Variants in UBE2E2 observed in about 807,000 individuals in gnomAD.
UBE2E2 encodes the protein ubiquitin conjugating enzyme E2 E2, also known as ubiquitin-conjugating enzyme E2 E2.
In UBE2E2, 6 loss-of-function variants were observed where a neutral mutation model predicts 24.7. That is an observed-to-expected ratio of 0.24 (90% confidence interval 0.13 to 0.48). UBE2E2 has a LOEUF of 0.48. Ranked by LOEUF, UBE2E2 falls within the 20% of genes least tolerant of loss-of-function variation. The pLI is 0.99. For missense variants in UBE2E2, 169 were observed against 245.0 expected, an observed-to-expected ratio of 0.69 and a Z score of 2.07; for synonymous variants, 104 against 83.6, an observed-to-expected ratio of 1.24 and a Z score of -1.33.
chr3:23,268,766 C>G (rs1165392801), intron 3 of UBE2E2, among the ~76,000 whole-genome samples: 1 of 148,560 alleles, frequency 6.7e-6, no homozygotes, highest in Non-Finnish European at 1.5e-5. Flanking sequence ...GCCAAAAGAA[C>G]GAAGCTGGAG....
chr3:23,399,774 A>G (rs923380113), intron 3 of UBE2E2, among the ~76,000 whole-genome samples: 2 of 152,218 alleles, frequency 1.3e-5, no homozygotes, highest in East Asian at 1.9e-4. Context: ...CTGCTCAACA[A>G]TACTTTACAT....
intron 3 of UBE2E2, among the ~76,000 whole-genome samples, chr3:23,396,302 T>TA (rs34765409): frequency 0.048 from 5,842 of 120,626 alleles, 193 homozygotes; most frequent in East Asian, 0.17. Flanking sequence ...GCATTTATTT[T>TA]TTATATATAT....
intron 3 of UBE2E2, among the ~76,000 whole-genome samples, chr3:23,353,595 GACAA>G (rs1401721261): frequency 2.6e-5 from 4 of 152,084 alleles, no homozygotes; most frequent in East Asian, 1.9e-4. Context: ...ACCAATAGCA[GACAA>G]ACAGAGAGCC....
Position 23,512,117 on chromosome 3 carries a change from A to G in UBE2E2, c.360+12377A>G, listed in dbSNP as rs1034072761. 3.3e-5 allele frequency among the ~76,000 whole-genome samples: 5 copies of G among 151,096 alleles called. No individual in the cohort carries two copies. The South Asian group carries it at 8.4e-4, about 25-fold the overall frequency. ...GCCCCTACTCTTCACACCTGAACCA[A>G]CTGAGCTATGAAGTGATCTTGGTAA... is the stretch of plus-strand genomic sequence containing the variant. On this transcript the variant is annotated intron_variant, in intron 4 of 5. Transcript: ENST00000396703.
intron 5 of UBE2E2, among the ~76,000 whole-genome samples, chr3:23,574,678 G>T (rs1038893579): frequency 6.6e-6 from 1 of 152,166 alleles, no homozygotes; most frequent in Non-Finnish European, 1.5e-5. Context: ...AATCATGCCT[G>T]TGATTAGGCA....
At chr3:23,419,006 T>G (rs759466610) in intron 3 of UBE2E2, among the ~76,000 whole-genome samples, 3 of 151,626 alleles carry the variant, frequency 2.0e-5, no homozygotes, top group Non-Finnish European at 4.4e-5. Context: ...CAGGCTTGAC[T>G]GCTGTGGCAT....
chr3:23,304,605 G>A (rs1699191904), intron 3 of UBE2E2, among the ~76,000 whole-genome samples: 2 of 152,112 alleles, frequency 1.3e-5, no homozygotes. Flanking sequence ...TGAAGTATGT[G>A]AAGAATATCC....
intron 3 of UBE2E2, among the ~76,000 whole-genome samples, chr3:23,284,811 A>T (rs184648357): frequency 1.3e-5 from 2 of 151,776 alleles, no homozygotes; most frequent in African/African-American, 4.8e-5. Flanking sequence ...TGAAGCATTT[A>T]TCCTTTGTGT....
chr3:23,445,394 A>G (rs1698404687), intron 3 of UBE2E2, among the ~76,000 whole-genome samples: 1 of 152,152 alleles, frequency 6.6e-6, no homozygotes, highest in Admixed American at 6.6e-5. Context: ...GTTGTTTTCT[A>G]GGCCCCTGAT....
intron 3 of UBE2E2, 82 bp downstream of exon 3, chr3:23,217,394 TGTA>T: frequency 8.1e-7 from 1 of 1,239,102 alleles, no homozygotes; most frequent in Non-Finnish European, 1.2e-6. Context: ...CAGCTGTTGT[TGTA>T]GTCTGATTAA....
chr3:23,380,709 T>C (rs921956189), intron 3 of UBE2E2, among the ~76,000 whole-genome samples: 2 of 152,212 alleles, frequency 1.3e-5, no homozygotes, highest in African/African-American at 4.8e-5. Flanking sequence ...CTACTATCAG[T>C]GACTTTGATC....
At position 23,502,088 on chromosome 3, in the gene UBE2E2, A is replaced by G. The variant is rs945328223; in HGVS notation, c.360+2348A>G. On this transcript the variant is annotated intron_variant, in intron 4 of 5. Coordinates refer to ENST00000396703, the MANE Select transcript of UBE2E2 (RefSeq NM_152653.4). ...AAAAACTTGGGGTGTAGTGAAGGCT[A>G]TTAAGTAAAACAAATACTCTTATTA... is the stretch of plus-strand genomic sequence containing the variant. Among the ~76,000 whole-genome samples the G allele has an allele frequency of 6.6e-5, 10 of 152,320 alleles. 1 individual carries two copies. The highest frequency in any genetic ancestry group is 2.4e-4 in the African/African-American group (10 of 41,570).
chr3:23,452,726 T>C (rs1042213793), intron 3 of UBE2E2, among the ~76,000 whole-genome samples: 1 of 152,190 alleles, frequency 6.6e-6, no homozygotes, highest in South Asian at 2.1e-4. Flanking sequence ...ATTTTAATGT[T>C]ATCATTCTGT....
intron 3 of UBE2E2, among the ~76,000 whole-genome samples, chr3:23,443,855 T>G (rs1418569660): frequency 6.6e-6 from 1 of 152,166 alleles, no homozygotes; most frequent in Non-Finnish European, 1.5e-5. Context: ...TTTGTGAGAA[T>G]AAGATGCCTT....
intron 3 of UBE2E2, among the ~76,000 whole-genome samples, chr3:23,246,613 G>C (rs1221954222): frequency 6.6e-6 from 1 of 151,802 alleles, no homozygotes; most frequent in East Asian, 1.9e-4. Context: ...TAAATTCCTG[G>C]GCTCAAACAG....
chr3:23,422,594 C>T (rs1332758038), intron 3 of UBE2E2, among the ~76,000 whole-genome samples: 1 of 152,142 alleles, frequency 6.6e-6, no homozygotes, highest in East Asian at 1.9e-4. Context: ...TATGTTGGAA[C>T]AAAGAAAAAG....
At chr3:23,552,946 T>C (rs1695677562) in intron 5 of UBE2E2, among the ~76,000 whole-genome samples, 1 of 152,238 alleles carries the variant, frequency 6.6e-6, no homozygotes, top group Non-Finnish European at 1.5e-5. Flanking sequence ...AATAGTATTT[T>C]CTATGTAAAT....
chr3:23,390,493 CT>C (rs1377796016), intron 3 of UBE2E2, among the ~76,000 whole-genome samples: 7 of 152,198 alleles, frequency 4.6e-5, no homozygotes, highest in Non-Finnish European at 8.8e-5. Context: ...ATAAAATCCT[CT>C]GCATTCATCA....
rs545868432 is a variant in UBE2E2, at chr3:23,571,639, C to T, written c.509-18095C>T. ...ACAAGATAGCAAGGATCGTACAGAC[C>T]GCTTTTTTTGCCACTTCCTCTCTCT... is the stretch of plus-strand genomic sequence containing the variant. On this transcript the variant is annotated intron_variant, in intron 5 of 5. Coordinates refer to ENST00000396703, the MANE Select transcript of UBE2E2 (RefSeq NM_152653.4). Among the ~76,000 whole-genome samples the T allele has an allele frequency of 1.1e-4, 16 of 152,162 alleles. No homozygotes were observed. In the East Asian group the frequency reaches 1.5e-3, roughly 15 times the overall value.
Sources: allele counts gnomAD v4.1 joint callset (sites outside exome capture counted in the v4.1 genomes callset), GRCh38; gene constraint gnomAD v4.1.1; transcripts MANE v1.5; gene names NCBI Gene and HGNC (gene_info 2026-07-23, HGNC 2026-07-21).